MAMDC2: variants seen among roughly 807,000 people sequenced by gnomAD.
MAMDC2 encodes MAM domain-containing protein 2.
A neutral mutation model predicts 89.8 loss-of-function variants in MAMDC2; 57 were observed. That is an observed-to-expected ratio of 0.63 (90% CI 0.51 to 0.79). MAMDC2 has a LOEUF of 0.79. Ranked by LOEUF, MAMDC2 falls within the 30% of genes least tolerant of loss-of-function variation. MAMDC2 has a pLI of 0.00. For missense variants in MAMDC2, 800 were observed against 820.6 expected (o/e 0.97, Z 0.31); for synonymous variants, 313 against 293.4 (o/e 1.07, Z -0.68).
chr9:70,048,182 C>T (rs187207641), intron 2 of MAMDC2, among the ~76,000 whole-genome samples: 99 of 152,266 alleles, frequency 6.5e-4, no homozygotes, highest in African/African-American at 2.3e-3. Flanking sequence ...CCTAACTTGT[C>T]AAGGGAAGTG....
At chr9:70,083,300 ATATC>A (rs1827695225) in intron 2 of MAMDC2, 2 of 152,070 alleles carry the variant, frequency 1.3e-5, no homozygotes, top group South Asian at 4.1e-4. Flanking sequence ...TTTACAGTGT[ATATC>A]TATGGGATTC....
intron 7 of MAMDC2, among the ~76,000 whole-genome samples, chr9:70,139,718 C>T (rs1469344860): frequency 6.6e-6 from 1 of 152,180 alleles, no homozygotes; most frequent in East Asian, 1.9e-4. Flanking sequence ...AATGGTTGAA[C>T]TAGTTTACAG....
chr9:70,055,286 C>G (rs542129720), intron 2 of MAMDC2, among the ~76,000 whole-genome samples: 16 of 152,128 alleles, frequency 1.1e-4, no homozygotes, highest in Non-Finnish European at 2.2e-4. Context: ...CTTTCATCAT[C>G]TTTAACTTTC....
chr9:70,151,047 A>G (rs1201356397), intron 9 of MAMDC2, among the ~76,000 whole-genome samples: 1 of 152,180 alleles, frequency 6.6e-6, no homozygotes, highest in Admixed American at 6.5e-5. Context: ...ATAGAGTCCC[A>G]CAGTCCACAT....
At chr9:70,189,768 T>C (rs958563638) in intron 11 of MAMDC2, among the ~76,000 whole-genome samples, 1 of 152,032 alleles carries the variant, frequency 6.6e-6, no homozygotes, top group Non-Finnish European at 1.5e-5. Context: ...TCTCTGTTCA[T>C]TTTTTCTTTT....
intron 2 of MAMDC2, among the ~76,000 whole-genome samples, chr9:70,050,049 G>A (rs1463591176): frequency 6.6e-6 from 1 of 152,164 alleles, no homozygotes; most frequent in African/African-American, 2.4e-5. Context: ...ACTTTGTTGT[G>A]TTGGAAACTC....
intron 12 of MAMDC2, among the ~76,000 whole-genome samples, chr9:70,220,193 G>A (rs549450880): frequency 1.3e-5 from 2 of 152,304 alleles, no homozygotes; most frequent in South Asian, 4.1e-4. Context: ...GAGTTCTGGG[G>A]ACAGGTAACT....
In MAMDC2 at chr9:70,108,219, A is replaced by G. The variant is rs189811112; in HGVS notation, c.157A>G (p.Ile53Val). 6.3e-7 allele frequency: 1 copy of G among 1,593,528 alleles called. No individual in the cohort carries two copies. The highest frequency in any genetic ancestry group is 1.8e-5 in the Admixed American group (1 of 56,106). The change falls in exon 3 of 14, where the codon ATT becomes GTT. Residue 53 changes from isoleucine (I) to valine (V), a missense_variant. By Grantham distance (29) the Ile-to-Val change is conservative (BLOSUM62 3). Coordinates refer to ENST00000377182, the MANE Select transcript of MAMDC2 (RefSeq NM_153267.5). ...TTCCTTTCTCTTTCCAGGCCATTAC[A>G]TTTATGTGGATACCTCCTTTGGCAA... ...PWILNEEGHY[I>V]YVDTSFGKQG...
chr9:70,141,071 C>T (rs1273160593), intron 8 of MAMDC2, among the ~76,000 whole-genome samples: 1 of 152,098 alleles, frequency 6.6e-6, no homozygotes, highest in Non-Finnish European at 1.5e-5. Context: ...GTGAGTTTAC[C>T]GTGGAGCTGG....
chr9:70,050,966 A>C (rs1251493394), intron 2 of MAMDC2, among the ~76,000 whole-genome samples: 45 of 152,206 alleles, frequency 3.0e-4, no homozygotes. Context: ...GGTTGTTGTC[A>C]AGAATGCTTT....
chr9:70,054,740 G>A (rs1587428238), intron 2 of MAMDC2, among the ~76,000 whole-genome samples: 1 of 152,216 alleles, frequency 6.6e-6, no homozygotes, highest in South Asian at 2.1e-4. Context: ...GAAACCCTAA[G>A]AGCCTGGGAA....
At chr9:70,108,163 G>T (rs758277501) in intron 2 of MAMDC2, 48 bp from the exon 3 acceptor site, 1 of 1,492,602 alleles carries the variant, frequency 6.7e-7, no homozygotes, top group Non-Finnish European at 8.9e-7. Context: ...ATTTTTCCAG[G>T]TTGCAAACAA....
chr9:70,208,770 T>G (rs4379509), intron 11 of MAMDC2, among the ~76,000 whole-genome samples: 1 of 151,584 alleles, frequency 6.6e-6, no homozygotes, highest in Non-Finnish European at 1.5e-5. Context: ...GGCTGTGGGT[T>G]TGTCATAGAT....
chr9:70,176,752 C>T (rs138345725), intron 11 of MAMDC2, among the ~76,000 whole-genome samples: 2 of 152,284 alleles, frequency 1.3e-5, no homozygotes, highest in Non-Finnish European at 2.9e-5. Flanking sequence ...TTTTGCTACA[C>T]TGTGCCCAGG....
intron 11 of MAMDC2, among the ~76,000 whole-genome samples, chr9:70,197,463 TG>T (rs1265752895): frequency 6.6e-6 from 1 of 152,072 alleles, no homozygotes; most frequent in African/African-American, 2.4e-5. Context: ...TGGAAGAACA[TG>T]TTATCTACAA....
chr9:70,191,839 T>G (rs1323174393), intron 11 of MAMDC2, among the ~76,000 whole-genome samples: 2 of 152,168 alleles, frequency 1.3e-5, no homozygotes, highest in Non-Finnish European at 2.9e-5. Context: ...AAATCCCACT[T>G]TGTTTTGCAT....
chr9:70,221,403 A>AGAGAGAGAGAGAGAGAGAGAGAGAGAGG (rs1564005264), intron 12 of MAMDC2, among the ~76,000 whole-genome samples: 1 of 122,954 alleles, frequency 8.1e-6, no homozygotes, highest in East Asian at 2.4e-4. Flanking sequence ...AGAGAGAGAG[A>AGAGAGAGAGAGAGAGAGAGAGAGAGAGG]GAGAGTAACA....
intron 11 of MAMDC2, among the ~76,000 whole-genome samples, chr9:70,198,347 T>TA (rs1278153717): frequency 6.6e-6 from 1 of 152,018 alleles, no homozygotes; most frequent in African/African-American, 2.4e-5. Flanking sequence ...GAGACAATAA[T>TA]ACAAGTCTTA....
chr9:70,058,828 G>T (rs866210137), intron 2 of MAMDC2, among the ~76,000 whole-genome samples: 4 of 152,178 alleles, frequency 2.6e-5, no homozygotes, highest in Non-Finnish European at 5.9e-5. Flanking sequence ...ATTCGTATTT[G>T]AGGAAATGAG....
Sources: gnomAD v4.1 joint callset for allele counts (sites outside exome capture counted in the v4.1 genomes callset) on GRCh38, gnomAD v4.1.1 for gene constraint, MANE v1.5 for transcripts, NCBI Gene and HGNC (gene_info 2026-07-23, HGNC 2026-07-21) for gene names.